PIEZO2: variants seen among roughly 807,000 people sequenced by gnomAD.
PIEZO2 encodes the protein piezo type mechanosensitive ion channel component 2, also known as piezo-type mechanosensitive ion channel component 2.
In PIEZO2, 172 loss-of-function variants were observed where a neutral mutation model predicts 337.3. That is an observed-to-expected ratio of 0.51 (90% confidence interval 0.45 to 0.58). The LOEUF (loss-of-function observed/expected upper bound fraction) is 0.58, where lower values mean the gene tolerates loss of function less well. Among genes scored for constraint, PIEZO2 ranks in the 20% least tolerant of loss-of-function variants. The pLI is 0.00. For missense variants in PIEZO2, 3,028 were observed against 3,391.3 expected (o/e 0.89, Z 2.66); for synonymous variants, 1,251 against 1,228.5 (o/e 1.02, Z -0.38).
At chr18:10,684,583 G>A (rs2034462105) in intron 49 of PIEZO2, among the ~76,000 whole-genome samples, 1 of 151,718 alleles carries the variant, frequency 6.6e-6, no homozygotes, top group South Asian at 2.1e-4. Context: ...TCATGCCTCA[G>A]CCTCTCAAGT....
chr18:10,699,253 C>A, intron 43 of PIEZO2, 76 bp from the exon 44 acceptor site: 1 of 1,508,866 alleles, frequency 6.6e-7, no homozygotes, highest in South Asian at 1.2e-5. Context: ...TACAAAATCT[C>A]ATCCAACAAA....
intron 11 of PIEZO2, 115 bp downstream of exon 11, chr18:10,800,222 C>A (rs1216588257): frequency 2.2e-6 from 3 of 1,362,912 alleles, no homozygotes; most frequent in Middle Eastern, 1.8e-4. Flanking sequence ...AGGTTAATGA[C>A]ACTGACATGG....
chr18:10,717,978 CTA>C (rs998159322), intron 37 of PIEZO2, among the ~76,000 whole-genome samples: 5 of 152,178 alleles, frequency 3.3e-5, no homozygotes, highest in African/African-American at 1.2e-4. Context: ...CAAACTGACA[CTA>C]ATTCAACATT....
At position 10,918,095 on chromosome 18, in the gene PIEZO2, A is replaced by T. The variant is rs118172068; in HGVS notation, c.287-6867T>A. 4.1e-3 allele frequency among the ~76,000 whole-genome samples: 627 copies of T among 152,290 alleles called. 4 individuals carry two copies. Among genetic ancestry groups the T allele is most frequent in the Non-Finnish European group, 5.5e-3 (374 of 68,000 alleles). On this transcript the variant is annotated intron_variant, in intron 3 of 55. Coordinates refer to ENST00000674853, the MANE Select transcript of PIEZO2 (RefSeq NM_001378183.1). ...TAGCTGAAATCTGTTTAACCCCAGA[A>T]ATGGCTGCTCTAATGGATGATATAT...
rs139539789 is a variant in PIEZO2, at chr18:11,047,896, T to G, written c.160+18231A>C. On this transcript the variant is annotated intron_variant, in intron 2 of 55. Coordinates refer to ENST00000674853, the MANE Select transcript of PIEZO2 (RefSeq NM_001378183.1). The surrounding 1 kb of genome is among the most constrained non-coding windows in gnomAD (Gnocchi z 7.2). Reference sequence around the variant, plus strand: ...GTGCAAAGGGACCTGTAAGAGTTAATGGCTGGCCAGGTTGCCAGGAAAGAG... The same window carrying G: ...GTGCAAAGGGACCTGTAAGAGTTAAGGGCTGGCCAGGTTGCCAGGAAAGAG... Among the ~76,000 whole-genome samples, 36 of 152,294 alleles carry G rather than the reference T, an allele frequency of 2.4e-4. No individual in the cohort carries two copies. The highest frequency in any genetic ancestry group is 8.4e-4 in the African/African-American group (35 of 41,558).
chr18:11,006,057 T>C (rs1245987801), intron 2 of PIEZO2, among the ~76,000 whole-genome samples: 1 of 152,224 alleles, frequency 6.6e-6, no homozygotes, highest in Non-Finnish European at 1.5e-5. Context: ...CTTACATGCC[T>C]GTCTCTTTCC....
intron 2 of PIEZO2, among the ~76,000 whole-genome samples, chr18:11,011,196 C>A (rs1330519484): frequency 3.3e-5 from 5 of 152,170 alleles, no homozygotes; most frequent in African/African-American, 4.8e-5. Context: ...CAGATAAAAT[C>A]TTTTCTTTCC....
intron 3 of PIEZO2, among the ~76,000 whole-genome samples, chr18:10,951,122 T>G (rs931440008): frequency 2.0e-5 from 3 of 152,208 alleles, no homozygotes; most frequent in African/African-American, 7.2e-5. Flanking sequence ...TTATCTAATA[T>G]TTGCTGCAAC....
rs2039409891 is a variant in PIEZO2, at chr18:11,101,196, T to A, written c.65-34974A>T. Among the ~76,000 whole-genome samples, 1 of 152,230 alleles carries A rather than the reference T, an allele frequency of 6.6e-6. No individual in the cohort carries two copies. Among genetic ancestry groups the A allele is most frequent in the Non-Finnish European group, 1.5e-5 (1 of 68,042 alleles). On this transcript the variant is annotated intron_variant, in intron 1 of 55. Transcript: ENST00000674853. This position sits in a 1 kb window ranked among gnomAD's most constrained non-coding sequence, Gnocchi z 4.4. ...AAGCCCATTTTGGGCTCATTCCATC[T>A]GGGCCAGCCCAAGCCCTTTACTGAC...
intron 4 of PIEZO2, among the ~76,000 whole-genome samples, chr18:10,901,487 G>A (rs1173625501): frequency 6.6e-6 from 1 of 151,878 alleles, no homozygotes; most frequent in Non-Finnish European, 1.5e-5. Context: ...GTAAGGGACA[G>A]TAGAGTTACT....
chr18:10,722,281 A>G (rs1037422950), intron 36 of PIEZO2, among the ~76,000 whole-genome samples: 1 of 151,174 alleles, frequency 6.6e-6, no homozygotes, highest in African/African-American at 2.4e-5. Context: ...CCCAGGCTAG[A>G]GTGCAGTGGT....
chr18:10,812,365 C>A (rs772567133), intron 7 of PIEZO2, among the ~76,000 whole-genome samples: 3 of 152,028 alleles, frequency 2.0e-5, no homozygotes, highest in Non-Finnish European at 4.4e-5. Flanking sequence ...AACGGGACAC[C>A]GGGGCCTACT....
Position 11,078,349 on chromosome 18 carries a change from G to T in PIEZO2, c.65-12127C>A, listed in dbSNP as rs1283557632. On this transcript the variant is annotated intron_variant, in intron 1 of 55. Transcript: ENST00000674853. This position sits in a 1 kb window ranked among gnomAD's most constrained non-coding sequence, Gnocchi z 5.3. The stretch of plus-strand genomic sequence containing the variant: ...TTCTATATTATTCTTGGCAGCATCC[G>T]CCTTGGACTGAGGTGTGCATTAACA... 1.3e-5 allele frequency among the ~76,000 whole-genome samples: 2 copies of T among 152,096 alleles called. No individual in the cohort carries two copies. Among genetic ancestry groups the T allele is most frequent in the Non-Finnish European group, 2.9e-5 (2 of 68,028 alleles).
rs1035757395 is a variant in PIEZO2 at position 10,824,588 on chromosome 18, A to G, written c.918-17314T>C. ...GAATACTATGCATCCATTTAAAATA[A>G]TAAAAAAATCCATCTATCTATATAT... On this transcript the variant is annotated intron_variant, in intron 7 of 55. Transcript: ENST00000674853. This position sits in a 1 kb window ranked among gnomAD's most constrained non-coding sequence, Gnocchi z 4.4. 1.3e-5 allele frequency among the ~76,000 whole-genome samples: 2 copies of G among 152,294 alleles called. No homozygotes were observed. Among genetic ancestry groups the G allele is most frequent in the African/African-American group, 4.8e-5 (2 of 41,590 alleles).
At chr18:11,071,487 T>C (rs2145938610) in intron 1 of PIEZO2, among the ~76,000 whole-genome samples, 1 of 152,326 alleles carries the variant, frequency 6.6e-6, no homozygotes, top group South Asian at 2.1e-4. Context: ...ACCCTGCCTT[T>C]GGGAGCTGAC....
At position 10,953,830 on chromosome 18, in the gene PIEZO2, G is replaced by A. The variant is rs540453377; in HGVS notation, c.286+25705C>T. ...CTTGGGAACAGATGAACAAGCAGGG[G>A]CAGCAAGAGAGAGGCAGGCTTTGAA... On this transcript the variant is annotated intron_variant, in intron 3 of 55. Coordinates refer to ENST00000674853, the MANE Select transcript of PIEZO2 (RefSeq NM_001378183.1). The surrounding 1 kb of genome is among the most constrained non-coding windows in gnomAD (Gnocchi z 5.2). Among the ~76,000 whole-genome samples the A allele has an allele frequency of 6.6e-6, 1 of 152,276 alleles. No individual in the cohort carries two copies. The highest frequency in any genetic ancestry group is 1.9e-4 in the East Asian group (1 of 5,170).
In PIEZO2 at chr18:11,015,725, C is replaced by G. The variant is rs537871807; in HGVS notation, c.161-36065G>C. Among the ~76,000 whole-genome samples the G allele has an allele frequency of 2.6e-5, 4 of 152,198 alleles. No homozygotes were observed. The East Asian group carries it at 7.7e-4, about 29-fold the overall frequency. The stretch of plus-strand genomic sequence containing the variant: ...CCTAAGCTGCAGAACAGGAACGACT[C>G]TTGCAGCCCTGGTATTTATACTTAA... On this transcript the variant is annotated intron_variant, in intron 2 of 55. Transcript: ENST00000674853.
At position 10,702,075 on chromosome 18, in the gene PIEZO2, T is replaced by G; in HGVS notation, c.6355A>C (p.Ile2119Leu). 1 of 1,537,072 alleles carries G rather than the reference T, an allele frequency of 6.5e-7. No homozygotes were observed. Among genetic ancestry groups the G allele is most frequent in the Non-Finnish European group, 8.7e-7 (1 of 1,146,848 alleles). Residue 2119 changes from isoleucine to leucine, a missense_variant, in exon 43 of 56, where the codon ATC (isoleucine) becomes CTC (leucine). Ile to Leu is a conservative substitution (Grantham distance 5, BLOSUM62 2). Coordinates refer to ENST00000674853, the MANE Select transcript of PIEZO2 (RefSeq NM_001378183.1). The stretch of plus-strand genomic sequence containing the variant: ...CCTTCCTTCTTTTCCACTCCTATGA[T>G]GTTTGGGGGGTGATACGGTTTATCT... The part of the protein sequence containing the change: ...NKDKPYHPPN[I>L]IGVEKKEGYV...
chr18:11,004,164 G>A (rs551987668), intron 2 of PIEZO2, among the ~76,000 whole-genome samples: 1 of 152,184 alleles, frequency 6.6e-6, no homozygotes, highest in Non-Finnish European at 1.5e-5. Context: ...TGGGTTAGAG[G>A]TGTGAGTAGT....
Sources: gnomAD v4.1 joint callset for allele counts (sites outside exome capture counted in the v4.1 genomes callset) on GRCh38, gnomAD v4.1.1 for gene constraint, Gnocchi (gnomAD v3.1) non-coding constraint, MANE v1.5 for transcripts, NCBI Gene and HGNC (gene_info 2026-07-23, HGNC 2026-07-21) for gene names.